The following IL1RAPL1 variants were observed in gnomAD, a reference collection of about 807,000 sequenced individuals.
The protein encoded by IL1RAPL1 is interleukin-1 receptor accessory protein-like 1.
In IL1RAPL1, 3 loss-of-function variants were observed where a neutral mutation model predicts 48.4. The observed-to-expected ratio is 0.06, with a 90% CI of 0.03 to 0.16. The LOEUF is 0.16. Among genes scored for constraint, IL1RAPL1 ranks in the 10% least tolerant of loss-of-function variants. IL1RAPL1 has a pLI of 1.00. For missense variants in IL1RAPL1, 349 were observed against 530.6 expected (o/e 0.66, Z 3.36); for synonymous variants, 185 against 187.7 (o/e 0.99, Z 0.12).
chrX:29,695,597 C>CGAGAGAGA (rs10635140), intron 6 of IL1RAPL1, among the ~76,000 whole-genome samples: 1,450 of 94,832 alleles, frequency 0.015, 12 homozygotes, highest in Middle Eastern at 0.063. Flanking sequence ...TGCAAGGTGG[C>CGAGAGAGA]GAGAGAGAGA....
intron 2 of IL1RAPL1, among the ~76,000 whole-genome samples, chrX:28,936,365 C>T (rs1924015975): frequency 1.8e-5 from 2 of 109,791 alleles, no homozygotes; most frequent in Non-Finnish European, 3.8e-5. Flanking sequence ...AAAAAATTAG[C>T]CAGACATGGT....
intron 2 of IL1RAPL1, among the ~76,000 whole-genome samples, chrX:29,256,378 A>G (rs548683150): frequency 7.1e-5 from 8 of 111,971 alleles, no homozygotes; most frequent in African/African-American, 2.3e-4. Flanking sequence ...ATGCAAATTA[A>G]TCATATAAAA....
intron 5 of IL1RAPL1, among the ~76,000 whole-genome samples, chrX:29,535,101 T>G (rs1224262645): frequency 2.6e-5 from 2 of 77,502 alleles, no homozygotes; most frequent in East Asian, 9.4e-4. Context: ...GGCACTGAAC[T>G]CCAGCCTGGG....
intron 2 of IL1RAPL1, among the ~76,000 whole-genome samples, chrX:29,055,982 A>G (rs972451237): frequency 1.8e-5 from 2 of 112,252 alleles, no homozygotes; most frequent in African/African-American, 6.5e-5. Flanking sequence ...CAAGGAGTTA[A>G]TTTAGTTCAC....
At chrX:29,388,432 T>C (rs777035826) in intron 3 of IL1RAPL1, among the ~76,000 whole-genome samples, 1 of 112,128 alleles carries the variant, frequency 8.9e-6, no homozygotes, top group African/African-American at 3.2e-5. Context: ...ATTCTAGATA[T>C]ATACCGAAAA....
At chrX:29,239,127 T>C (rs931678256) in intron 2 of IL1RAPL1, among the ~76,000 whole-genome samples, 4 of 111,868 alleles carry the variant, frequency 3.6e-5, no homozygotes, top group Non-Finnish European at 5.6e-5. Flanking sequence ...CATATATGCC[T>C]TCCAATCTAA....
In IL1RAPL1 at chrX:29,891,727, C is replaced by T. The variant is rs189215356; in HGVS notation, c.779-25737C>T. Among the ~76,000 whole-genome samples the T allele has an allele frequency of 5.0e-3, 561 of 111,305 alleles. 3 individuals carry two copies. The highest frequency in any genetic ancestry group is 9.0e-3 in the Non-Finnish European group (474 of 52,927). ...AATTGCAACACCTAGGAAAAGAAAT[C>T]TTCCTAGGTTATCTTACAGTTATGA... On this transcript the variant is annotated intron_variant, in intron 6 of 10. Coordinates refer to ENST00000378993, the MANE Select transcript of IL1RAPL1 (RefSeq NM_014271.4).
chrX:29,502,751 C>T (rs966184719), intron 5 of IL1RAPL1, among the ~76,000 whole-genome samples: 1 of 111,481 alleles, frequency 9.0e-6, no homozygotes, highest in African/African-American at 3.3e-5. Context: ...TTTTCATCAG[C>T]GATATTGGCC....
chrX:28,684,421 A>G (rs1286961459), intron 1 of IL1RAPL1, among the ~76,000 whole-genome samples: 1 of 111,905 alleles, frequency 8.9e-6, no homozygotes, highest in African/African-American at 3.2e-5. Flanking sequence ...TTTGGATGTC[A>G]TATGTGGGTT....
intron 1 of IL1RAPL1, among the ~76,000 whole-genome samples, chrX:28,666,525 T>A (rs2146911982): frequency 8.9e-6 from 1 of 112,242 alleles, no homozygotes; most frequent in South Asian, 3.7e-4. Flanking sequence ...TAGGCGGTTT[T>A]TGAATAAATT....
intron 5 of IL1RAPL1, among the ~76,000 whole-genome samples, chrX:29,458,605 A>G (rs1934766860): frequency 8.9e-6 from 1 of 112,204 alleles, no homozygotes; most frequent in South Asian, 3.7e-4. Flanking sequence ...TTAAATGGCA[A>G]AACTGCAATT....
chrX:29,558,722 A>G (rs763404159), intron 5 of IL1RAPL1, among the ~76,000 whole-genome samples: 1 of 111,910 alleles, frequency 8.9e-6, no homozygotes, highest in African/African-American at 3.2e-5. Context: ...GTGGTGTAAG[A>G]TAAGGGTCCA....
At chrX:29,636,733 T>C (rs1379026025) in intron 5 of IL1RAPL1, among the ~76,000 whole-genome samples, 1 of 111,596 alleles carries the variant, frequency 9.0e-6, no homozygotes. Flanking sequence ...ACATAGTTTA[T>C]AACAGCAAAA....
At chrX:29,935,922 G>A (rs754260486) in intron 8 of IL1RAPL1, among the ~76,000 whole-genome samples, 5 of 111,467 alleles carry the variant, frequency 4.5e-5, no homozygotes, top group Admixed American at 1.9e-4. Flanking sequence ...AGATTAAGCC[G>A]CTCCATTCAG....
intron 6 of IL1RAPL1, among the ~76,000 whole-genome samples, chrX:29,851,526 A>C (rs1172607176): frequency 8.9e-6 from 1 of 112,129 alleles, no homozygotes; most frequent in Non-Finnish European, 1.9e-5. Context: ...ATCATACTGA[A>C]ATTATTTTCA....
At chrX:29,864,680 C>T (rs922727067) in intron 6 of IL1RAPL1, among the ~76,000 whole-genome samples, 3 of 111,758 alleles carry the variant, frequency 2.7e-5, no homozygotes, top group Non-Finnish European at 5.6e-5. Context: ...TCTTGATTGC[C>T]TGGCTCCTGA....
intron 5 of IL1RAPL1, among the ~76,000 whole-genome samples, chrX:29,524,442 C>T (rs1307939851): frequency 1.8e-5 from 2 of 111,141 alleles, no homozygotes; most frequent in Non-Finnish European, 3.8e-5. Flanking sequence ...TATTTTATAT[C>T]AGCTTAAGCA....
chrX:28,970,314 T>A (rs1354793610), intron 2 of IL1RAPL1, among the ~76,000 whole-genome samples: 1 of 112,841 alleles, frequency 8.9e-6, no homozygotes, highest in Non-Finnish European at 1.9e-5. Flanking sequence ...AACTTTTACA[T>A]CTTTATGTTG....
At chrX:29,775,167 G>A (rs1929163699) in intron 6 of IL1RAPL1, among the ~76,000 whole-genome samples, 1 of 111,548 alleles carries the variant, frequency 9.0e-6, no homozygotes, top group Admixed American at 9.6e-5. Flanking sequence ...CGTTATATCC[G>A]ATTTCACTTT....
Sources: gnomAD v4.1 joint callset for allele counts (sites outside exome capture counted in the v4.1 genomes callset) on GRCh38, gnomAD v4.1.1 for gene constraint, MANE v1.5 for transcripts, NCBI Gene and HGNC (gene_info 2026-07-23, HGNC 2026-07-21) for gene names.